Variants in RBX1 observed in about 807,000 individuals in gnomAD.
The protein encoded by RBX1 is ring-box 1, also known as E3 ubiquitin-protein ligase RBX1.
For missense variants in RBX1, 46 were observed against 141.4 expected, an observed-to-expected ratio of 0.33 and a Z score of 3.42; for synonymous variants, 48 against 47.9, an observed-to-expected ratio of 1.00 and a Z score of -0.01.
chr22:40,964,368 G>A (rs368903477), intron 3 of RBX1: 2 of 357,002 alleles, frequency 5.6e-6, no homozygotes, highest in Admixed American at 4.2e-5. Context: ...CAGTATTTTG[G>A]GGCTTCATCT....
In RBX1 at chr22:40,953,539, C is replaced by T; in HGVS notation, c.79-16C>T. On this transcript the variant is annotated splice_polypyrimidine_tract_variant and intron_variant, in intron 1 of 4. Transcript: ENST00000216225. ...TTACAAGCAGAATGCACTGTTCCCT[C>T]TTTTTGTCTTTGCAGTGGAATGCAG... The T allele has an allele frequency of 6.3e-7, 1 of 1,583,700 alleles. No homozygotes were observed. The highest frequency in any genetic ancestry group is 8.7e-7 in the Non-Finnish European group (1 of 1,153,520).
At chr22:40,955,025 G>A (rs1569042376) in intron 2 of RBX1, among the ~76,000 whole-genome samples, 2 of 152,066 alleles carry the variant, frequency 1.3e-5, no homozygotes, top group Non-Finnish European at 2.9e-5. Context: ...GACCTCGGGT[G>A]ATCCGCGTGC....
intron 3 of RBX1, among the ~76,000 whole-genome samples, chr22:40,965,937 G>C (rs138121080): frequency 1.8e-4 from 27 of 152,288 alleles, no homozygotes; most frequent in African/African-American, 6.5e-4. Flanking sequence ...AAAAGAGAGT[G>C]AACATCCCCT....
chr22:40,965,423 T>G lies in RBX1; in HGVS notation c.228+1306T>G, dbSNP rs565174430. ...TTTTCCTACCTACACTGGTTTTTTG[T>G]TTTTTTTTTTGTTTTTTGTTTTTTG... On this transcript the variant is annotated intron_variant, in intron 3 of 4. Coordinates refer to ENST00000216225, the MANE Select transcript of RBX1 (RefSeq NM_014248.4). 3.7e-4 allele frequency among the ~76,000 whole-genome samples: 53 copies of G among 143,970 alleles called. No individual in the cohort carries two copies. The South Asian group carries it at 5.6e-3, about 15-fold the overall frequency. 94.4% of individuals were successfully genotyped at this position (143,970 alleles called of 152,430 possible). A position where few individuals can be genotyped will look rare whatever the true frequency, so the allele number is the denominator to read the frequency against.
In RBX1 at chr22:40,953,569, C is replaced by T. The variant is rs2058317229; in HGVS notation, c.93C>T (p.Ala31=). 6.2e-7 allele frequency: 1 copy of T among 1,610,024 alleles called. No homozygotes were observed. The highest frequency in any genetic ancestry group is 8.5e-7 in the Non-Finnish European group (1 of 1,176,984). The change falls in exon 2 of 5, where the codon GCC becomes GCT. Residue 31 remains alanine, a synonymous_variant. Transcript: ENST00000216225. ...RFEVKKWNAV[A]LWAWDIVVDN... is the part of the protein sequence containing the mutation. The stretch of plus-strand genomic sequence containing the variant: ...TGTCTTTGCAGTGGAATGCAGTAGC[C>T]CTCTGGGCCTGGGATATTGTGGTTG...
intron 4 of RBX1, among the ~76,000 whole-genome samples, chr22:40,971,078 G>T (rs1164962123): frequency 6.6e-6 from 1 of 152,170 alleles, no homozygotes; most frequent in African/African-American, 2.4e-5. Flanking sequence ...TTTGTAATTG[G>T]CTCTGCCCTA....
intron 2 of RBX1, among the ~76,000 whole-genome samples, chr22:40,958,370 T>C (rs536218200): frequency 2.6e-5 from 4 of 152,226 alleles, no homozygotes; most frequent in Admixed American, 2.0e-4. Context: ...AATGGATTTA[T>C]CATTTTTATA....
chr22:40,961,884 A>G (rs930736627), intron 2 of RBX1, among the ~76,000 whole-genome samples: 5 of 151,716 alleles, frequency 3.3e-5, no homozygotes, highest in Admixed American at 6.6e-5. Context: ...TCCTGGGTTC[A>G]AGTGATTCTC....
rs1452855423 is a variant in RBX1 at position 40,972,471 on chromosome 22, T to C, written c.315-5T>C. On this transcript the variant is annotated splice_region_variant and splice_polypyrimidine_tract_variant and intron_variant, in intron 4 of 4. Transcript: ENST00000216225. ...TTAATCAGAGTAATTTACTTTGTCT[T>C]TCAGGTATGGGCACTAGGAAAAGAC... The C allele has an allele frequency of 6.2e-7, 1 of 1,605,962 alleles. No homozygotes were observed. The highest frequency in any genetic ancestry group is 1.3e-5 in the African/African-American group (1 of 74,714).
At chr22:40,956,100 G>T (rs1350616858) in intron 2 of RBX1, among the ~76,000 whole-genome samples, 1 of 151,876 alleles carries the variant, frequency 6.6e-6, no homozygotes, top group Non-Finnish European at 1.5e-5. Context: ...GTGTATATGT[G>T]TCTCTGGATA....
At chr22:40,961,217 A>T (rs1162930024) in intron 2 of RBX1, among the ~76,000 whole-genome samples, 2 of 147,476 alleles carry the variant, frequency 1.4e-5, no homozygotes. Flanking sequence ...CCTCCTTAGT[A>T]GCTGGGACCA....
At chr22:40,956,616 G>A (rs534914747) in intron 2 of RBX1, among the ~76,000 whole-genome samples, 109 of 151,760 alleles carry the variant, frequency 7.2e-4, no homozygotes, top group African/African-American at 2.5e-3. Flanking sequence ...CTCTCAAACC[G>A]CTGGGATTAC....
intron 4 of RBX1, among the ~76,000 whole-genome samples, chr22:40,969,080 G>A (rs948254428): frequency 2.6e-5 from 4 of 152,010 alleles, no homozygotes; most frequent in African/African-American, 7.2e-5. Context: ...TTGGGAGGCC[G>A]AGGCAGGCGG....
chr22:40,953,179 T>C (rs916927152), intron 1 of RBX1, among the ~76,000 whole-genome samples: 2 of 151,922 alleles, frequency 1.3e-5, no homozygotes, highest in Non-Finnish European at 2.9e-5. Flanking sequence ...TTAGTAAAGA[T>C]AGGATTTTGC....
At chr22:40,967,918 T>G in intron 4 of RBX1, 34 bp downstream of exon 4, 1 of 1,464,360 alleles carries the variant, frequency 6.8e-7, no homozygotes, top group Non-Finnish European at 9.6e-7. Context: ...CGGGGCTTTT[T>G]GACTTGCCTC....
At position 40,961,081 on chromosome 22, in the gene RBX1, C is replaced by CTTTTTTTTTTTTTTTTTTTTT. The variant is rs61092253; in HGVS notation, c.158-2963_158-2943dup. Among the ~76,000 whole-genome samples the CTTTTTTTTTTTTTTTTTTTTT allele has an allele frequency of 7.4e-5, 8 of 107,662 alleles. 1 individual carries two copies. The highest frequency in any genetic ancestry group is 3.0e-4 in the African/African-American group (8 of 27,112). 70.6% of individuals were successfully genotyped at this position (107,662 alleles called of 152,430 possible). On this transcript the variant is annotated intron_variant, in intron 2 of 4. Coordinates refer to ENST00000216225, the MANE Select transcript of RBX1 (RefSeq NM_014248.4). ...GCCCGGCCGAGCCACCGTGCCTGGC[C>CTTTTTTTTTTTTTTTTTTTTT]TTTTTTTTTTTTTTTTTTTTTTTGA...
intron 3 of RBX1, chr22:40,966,263 T>G (rs538048482): frequency 6.6e-6 from 1 of 152,158 alleles, no homozygotes; most frequent in African/African-American, 2.4e-5. Flanking sequence ...AATATATCCA[T>G]TAATACATCT....
At chr22:40,959,381 G>A (rs190804785) in intron 2 of RBX1, among the ~76,000 whole-genome samples, 30 of 152,246 alleles carry the variant, frequency 2.0e-4, no homozygotes, top group African/African-American at 6.7e-4. Context: ...AACAAAAGCT[G>A]GAAAACTTTT....
At chr22:40,953,521 C>G in intron 1 of RBX1, 34 bp from the exon 2 acceptor site, 4 of 1,388,378 alleles carry the variant, frequency 2.9e-6, no homozygotes, top group Non-Finnish European at 4.1e-6. Flanking sequence ...GTGTTACAAG[C>G]AGAATGCACT....
Sources: allele counts gnomAD v4.1 joint callset (sites outside exome capture counted in the v4.1 genomes callset), GRCh38; gene constraint gnomAD v4.1.1; transcripts MANE v1.5; gene names NCBI Gene and HGNC (gene_info 2026-07-23, HGNC 2026-07-21).